Variants in NAV2 observed in about 807,000 individuals in gnomAD.
The protein encoded by NAV2 is helicase, APC down-regulated 1.
A neutral mutation model predicts 223.2 loss-of-function variants in NAV2; 54 were observed. That is an observed-to-expected ratio of 0.24 (90% CI 0.19 to 0.30). NAV2 has a LOEUF of 0.30. Ranked by LOEUF, NAV2 falls within the 10% of genes least tolerant of loss-of-function variation. NAV2 has a pLI of 1.00. For missense variants in NAV2, 2,806 were observed against 3,147.5 expected, an observed-to-expected ratio of 0.89 and a Z score of 2.60; for synonymous variants, 1,279 against 1,239.3, an observed-to-expected ratio of 1.03 and a Z score of -0.67.
chr11:19,753,540 G>T (rs538489318), intron 1 of NAV2, among the ~76,000 whole-genome samples: 12 of 152,162 alleles, frequency 7.9e-5, no homozygotes, highest in Admixed American at 2.0e-4. Context: ...TCTTCTCTGG[G>T]TTGCAGTAAC....
At chr11:19,957,794 G>C (rs1591421686) in intron 10 of NAV2, among the ~76,000 whole-genome samples, 2 of 152,206 alleles carry the variant, frequency 1.3e-5, no homozygotes, top group South Asian at 4.1e-4. Flanking sequence ...GATTTACTGG[G>C]GGACAGCCCC....
intron 1 of NAV2, among the ~76,000 whole-genome samples, chr11:19,791,505 A>C (rs920226958): frequency 6.6e-5 from 10 of 152,280 alleles, no homozygotes; most frequent in Non-Finnish European, 1.2e-4. Context: ...GGAGCATCTT[A>C]ATCTGCACAT....
intron 10 of NAV2, among the ~76,000 whole-genome samples, chr11:19,954,001 A>T (rs2047617922): frequency 6.6e-6 from 1 of 152,178 alleles, no homozygotes; most frequent in Non-Finnish European, 1.5e-5. Context: ...CTTGATGCCT[A>T]CTCTGGCAGG....
chr11:19,477,994 C>T (rs1370089192), intron 1 of NAV2, among the ~76,000 whole-genome samples: 1 of 152,192 alleles, frequency 6.6e-6, no homozygotes, highest in Non-Finnish European at 1.5e-5. Context: ...GCTATCATGG[C>T]AAATTCAGCA....
intron 1 of NAV2, chr11:19,760,121 C>T (rs1455021477): frequency 6.6e-6 from 1 of 152,450 alleles, no homozygotes; most frequent in Non-Finnish European, 1.5e-5. Context: ...AGAGTTCCAG[C>T]AGATGAATTA....
At chr11:19,694,464 C>T (rs758697874) in intron 1 of NAV2, among the ~76,000 whole-genome samples, 5 of 152,170 alleles carry the variant, frequency 3.3e-5, no homozygotes, top group Non-Finnish European at 7.3e-5. Context: ...GAACAGGGAC[C>T]TATGGTACTC....
In NAV2 at chr11:19,600,722, G is replaced by A. The variant is rs551274998; in HGVS notation, c.76-231762G>A. Among the ~76,000 whole-genome samples the A allele has an allele frequency of 2.6e-5, 4 of 152,274 alleles. No homozygotes were observed. In the South Asian group the frequency reaches 8.3e-4, roughly 32 times the overall value. On this transcript the variant is annotated intron_variant, in intron 1 of 37. Transcript: ENST00000360655. ...ACTACTTTGTAGTATTGTTTTTGAAGATCAAATAAGTTAATACACATAAAA... is the reference window on the plus strand; with the variant it reads ...ACTACTTTGTAGTATTGTTTTTGAAAATCAAATAAGTTAATACACATAAAA...
At chr11:19,774,517 T>C (rs2055981479) in intron 1 of NAV2, among the ~76,000 whole-genome samples, 1 of 152,176 alleles carries the variant, frequency 6.6e-6, no homozygotes, top group Non-Finnish European at 1.5e-5. Flanking sequence ...TATACAGGCC[T>C]CTTTTGTAGC....
At chr11:19,806,605 A>T (rs1050503941) in intron 1 of NAV2, among the ~76,000 whole-genome samples, 1 of 152,204 alleles carries the variant, frequency 6.6e-6, no homozygotes, top group Non-Finnish European at 1.5e-5. Context: ...CCTTGGCCAG[A>T]TCGTGTCTCT....
chr11:19,776,574 AGG>A (rs2056180661), intron 1 of NAV2, among the ~76,000 whole-genome samples: 1 of 64,834 alleles, frequency 1.5e-5, no homozygotes, highest in Non-Finnish European at 2.9e-5. Context: ...GGGCTGGGGC[AGG>A]GGTGTGTGTG....
In NAV2 at chr11:20,114,686, C is replaced by T. The variant is rs1484884408; in HGVS notation, c.7055C>T (p.Pro2352Leu). Residue 2352 changes from proline (P) to leucine (L), a missense_variant, in exon 37 of 38, where the codon CCC (proline) becomes CTC (leucine). Around this residue, in one of 4 missense-constraint regions of NAV2, gnomAD observed 824 missense variants for 1,069.4 expected, o/e 0.77. Coordinates refer to ENST00000349880, the MANE Select transcript of NAV2 (RefSeq NM_145117.5). ...AGCCCACAACAGCACGAGTGGCCTCCCCTGCTGCAGTTACGGCCTGAGGAT... is the reference window on the plus strand; with the variant it reads ...AGCCCACAACAGCACGAGTGGCCTCTCCTGCTGCAGTTACGGCCTGAGGAT... ...AASPQQHEWP[P>L]LLQLRPEDVG... 2 of 1,614,190 alleles carry T rather than the reference C, an allele frequency of 1.2e-6. No homozygotes were observed. Among genetic ancestry groups the T allele is most frequent in the Admixed American group, 1.7e-5 (1 of 60,026 alleles).
At chr11:19,606,681 C>T (rs1343681933) in intron 1 of NAV2, among the ~76,000 whole-genome samples, 1 of 152,212 alleles carries the variant, frequency 6.6e-6, no homozygotes, top group African/African-American at 2.4e-5. Context: ...TCAAAGGTCA[C>T]TTGGAAGTGG....
chr11:20,071,106 G>GCCCCCCCCCCCCC (rs35206561), intron 22 of NAV2, among the ~76,000 whole-genome samples: 5 of 128,460 alleles, frequency 3.9e-5, no homozygotes, highest in South Asian at 2.8e-4. Context: ...CCCTCCCCTA[G>GCCCCCCCCCCCCC]CCCCCCACCC....
At position 20,036,014 on chromosome 11, in the gene NAV2, A is replaced by C; in HGVS notation, c.2824A>C (p.Ser942Arg). 6.2e-7 allele frequency: 1 copy of C among 1,614,204 alleles called. No homozygotes were observed. Among genetic ancestry groups the C allele is most frequent in the Non-Finnish European group, 8.5e-7 (1 of 1,180,028 alleles). ...SGISDTIDNL[S>R]TDDINTSSSI... The stretch of plus-strand genomic sequence containing the variant: ...CATCAGCGACACCATAGACAACCTC[A>C]GCACTGATGACATCAACACCAGCTC... The change falls in exon 12 of 38, where the codon AGC becomes CGC. Residue 942 changes from serine (S) to arginine (R), a missense_variant. By Grantham distance (110) the Ser-to-Arg change is moderately radical. This residue lies in a region of NAV2 where 73 missense variants were observed against 119.7 expected (regional missense o/e 0.61). Transcript: ENST00000349880.
chr11:20,080,492 C>T (rs2060022710), intron 25 of NAV2, among the ~76,000 whole-genome samples: 1 of 152,116 alleles, frequency 6.6e-6, no homozygotes, highest in Non-Finnish European at 1.5e-5. Flanking sequence ...GTCATTTCTT[C>T]CTCATTATAT....
rs1235407995 is a variant in NAV2 at position 20,049,899 on chromosome 11, C to A, written c.4434C>A (p.Asp1478Glu). The A allele has an allele frequency of 1.2e-6, 2 of 1,613,962 alleles. No individual in the cohort carries two copies. The highest frequency in any genetic ancestry group is 2.7e-5 in the African/African-American group (2 of 74,916). ...GAAGTACTCTGCCCAGGAAACAGGACAGGTAATGACATTGCAGGCCGGGGA... is the reference window on the plus strand; with the variant it reads ...GAAGTACTCTGCCCAGGAAACAGGAAAGGTAATGACATTGCAGGCCGGGGA... Reference protein sequence around the residue: ...FCRSTLPRKQDSDPHLDRNTL... With the variant: ...FCRSTLPRKQESDPHLDRNTL... Residue 1478 changes from aspartate to glutamate, a missense_variant and splice_region_variant, in exon 16 of 38, where the codon GAC becomes GAA. This residue lies in a region of NAV2 where 742 missense variants were observed against 777.9 expected (regional missense o/e 0.95). Coordinates refer to ENST00000349880, the MANE Select transcript of NAV2 (RefSeq NM_145117.5).
chr11:19,438,932 T>C (rs1020585324), intron 1 of NAV2, among the ~76,000 whole-genome samples: 3 of 152,006 alleles, frequency 2.0e-5, no homozygotes, highest in Non-Finnish European at 4.4e-5. Context: ...AGTGGCATAA[T>C]TGATTAAATC....
intron 1 of NAV2, among the ~76,000 whole-genome samples, chr11:19,441,079 C>T (rs1332968454): frequency 1.3e-5 from 2 of 152,064 alleles, no homozygotes; most frequent in East Asian, 1.9e-4. Context: ...AGGAGAAAGC[C>T]CAGGAAGCCT....
rs567896933 is a variant in NAV2, at chr11:19,488,587, C to T, written c.75+137560C>T. Among the ~76,000 whole-genome samples the T allele has an allele frequency of 6.6e-5, 10 of 152,280 alleles. No homozygotes were observed. In the South Asian group the frequency reaches 2.1e-3, roughly 32 times the overall value. On this transcript the variant is annotated intron_variant, in intron 1 of 37. Coordinates refer to the NAV2 transcript ENST00000360655. ...CCCTACAGGGAGTGATTTCATAAAT[C>T]ATCAGTTGCTTTACCTCTAAATTGG... is the stretch of plus-strand genomic sequence containing the variant.
Sources: gnomAD v4.1 joint callset for allele counts (sites outside exome capture counted in the v4.1 genomes callset) on GRCh38, gnomAD v4.1.1 for gene constraint, gnomAD v4.1.1 regional missense constraint, MANE v1.5 for transcripts, NCBI Gene and HGNC (gene_info 2026-07-23, HGNC 2026-07-21) for gene names.